The following WEE2 variants were observed in gnomAD, a reference collection of about 807,000 sequenced individuals.
The protein encoded by WEE2 is wee1-like protein kinase 2.
In WEE2, 50 loss-of-function variants were observed where a neutral mutation model predicts 60.1. That is an observed-to-expected ratio of 0.83 (90% confidence interval 0.66 to 1.05). The LOEUF (loss-of-function observed/expected upper bound fraction) is 1.05. Ranked by LOEUF, WEE2 falls within the 50% of genes least tolerant of loss-of-function variation. The pLI is 0.00. For synonymous variants in WEE2, 240 were observed against 241.0 expected (o/e 1.00, Z 0.04); for missense variants, 631 against 684.3 (o/e 0.92, Z 0.87).
chr7:141,730,373 G>A lies in WEE2; in HGVS notation c.*53G>A. ...TTGGCCTATGGATTACGAGGTTGCT[G>A]TTGCTGATTCCCCACCAAAGATCCC... On this transcript the variant is annotated 3_prime_UTR_variant, in exon 12 of 12. Transcript: ENST00000397541. 1.3e-6 allele frequency: 2 copies of A among 1,543,324 alleles called. No homozygotes were observed. The highest frequency in any genetic ancestry group is 1.7e-4 in the Middle Eastern group (1 of 5,910).
At chr7:141,722,702 A>G (rs1265074637) in intron 5 of WEE2, among the ~76,000 whole-genome samples, 5 of 152,224 alleles carry the variant, frequency 3.3e-5, no homozygotes, top group Non-Finnish European at 1.5e-5. Context: ...AATCATTGAC[A>G]CCAATAGTAG....
chr7:141,723,931 T>A lies in WEE2; in HGVS notation c.1028-10T>A. 1 of 1,574,940 alleles carries A rather than the reference T, an allele frequency of 6.3e-7. No individual in the cohort carries two copies. Among genetic ancestry groups the A allele is most frequent in the Non-Finnish European group, 8.7e-7 (1 of 1,151,810 alleles). ...CATTACTTACATCTATCCTGTCATT[T>A]TTTTTTCAGGTAATATATTCATTTG... On this transcript the variant is annotated splice_polypyrimidine_tract_variant and intron_variant, in intron 6 of 11. Coordinates refer to ENST00000397541, the MANE Select transcript of WEE2 (RefSeq NM_001105558.1).
chr7:141,716,534 T>A (rs1798800943), intron 3 of WEE2, among the ~76,000 whole-genome samples: 1 of 141,584 alleles, frequency 7.1e-6, no homozygotes, highest in Admixed American at 7.1e-5. Flanking sequence ...TCTCCTCCCC[T>A]CCCCATCTCA....
At chr7:141,719,625 A>G (rs1401368721) in intron 4 of WEE2, among the ~76,000 whole-genome samples, 4 of 151,892 alleles carry the variant, frequency 2.6e-5, no homozygotes, top group African/African-American at 9.7e-5. Context: ...TAATTTTTGT[A>G]TTTTTAGTAG....
chr7:141,709,743 A>G lies in WEE2; in HGVS notation c.342+643A>G, dbSNP rs977441131. Among the ~76,000 whole-genome samples the G allele has an allele frequency of 2.0e-5, 3 of 152,184 alleles. No individual in the cohort carries two copies. In the East Asian group the frequency reaches 5.8e-4, roughly 29 times the overall value. Reference sequence around the variant, plus strand: ...AGAGGAAACTTGTTGATACTTCTTCATAAGCTGAGGATGGCAAATAAGCAA... The same window carrying G: ...AGAGGAAACTTGTTGATACTTCTTCGTAAGCTGAGGATGGCAAATAAGCAA... On this transcript the variant is annotated intron_variant, in intron 1 of 11. Transcript: ENST00000397541.
chr7:141,712,284 A>G (rs1798720865), intron 1 of WEE2, among the ~76,000 whole-genome samples: 1 of 152,166 alleles, frequency 6.6e-6, no homozygotes, highest in African/African-American at 2.4e-5. Flanking sequence ...TCTCTGTCCC[A>G]AGATACTATG....
chr7:141,717,740 G>C (rs1414668640), intron 3 of WEE2, among the ~76,000 whole-genome samples: 1 of 152,152 alleles, frequency 6.6e-6, no homozygotes, highest in East Asian at 1.9e-4. Context: ...TGTATATTAA[G>C]ATAATTTTAG....
Position 141,711,584 on chromosome 7 carries a change from G to A in WEE2, c.342+2484G>A, listed in dbSNP as rs1237757862. Reference sequence around the variant, plus strand: ...TTCCTGACAGAATCATCTAGAGATAGAAGAGCATGCTTAGGAGGTGTAAGC... The same window carrying A: ...TTCCTGACAGAATCATCTAGAGATAAAAGAGCATGCTTAGGAGGTGTAAGC... On this transcript the variant is annotated intron_variant, in intron 1 of 11. Transcript: ENST00000397541. The surrounding 1 kb of genome is among the most constrained non-coding windows in gnomAD (Gnocchi z 4.2). Among the ~76,000 whole-genome samples the A allele has an allele frequency of 3.3e-5, 5 of 152,212 alleles. No individual in the cohort carries two copies. Among genetic ancestry groups the A allele is most frequent in the African/African-American group, 1.2e-4 (5 of 41,458 alleles).
Position 141,727,367 on chromosome 7 carries a change from C to G in WEE2, c.1456C>G (p.Leu486Val), listed in dbSNP as rs778404357. The G allele has an allele frequency of 1.2e-6, 2 of 1,614,188 alleles. No homozygotes were observed. Among genetic ancestry groups the G allele is most frequent in the South Asian group, 2.2e-5 (2 of 91,086 alleles). The change falls in exon 10 of 12, where the codon CTC (leucine) becomes GTC (valine). Residue 486 changes from leucine (L) to valine (V), a missense_variant. Leu to Val is a conservative substitution (Grantham distance 32). Transcript: ENST00000397541. ...AGCAGCTCTGGCCAGAAATACAGTTCTCCGGCCTTCCCTGGGAAAAACAGA... is the reference window on the plus strand; with the variant it reads ...AGCAGCTCTGGCCAGAAATACAGTTGTCCGGCCTTCCCTGGGAAAAACAGA... ...SAAALARNTV[L>V]RPSLGKTEEL... is the part of the protein sequence containing the mutation.
At chr7:141,722,803 T>A (rs1449127977) in intron 5 of WEE2, among the ~76,000 whole-genome samples, 1 of 152,204 alleles carries the variant, frequency 6.6e-6, no homozygotes, top group African/African-American at 2.4e-5. Context: ...AATGGGGCCA[T>A]ATACTGGATA....
chr7:141,721,102 T>G (rs777524232), intron 5 of WEE2, 46 bp downstream of exon 5: 2 of 1,610,648 alleles, frequency 1.2e-6, no homozygotes, highest in South Asian at 2.2e-5. Flanking sequence ...AGATGAACTT[T>G]ATAAGCCTTC....
chr7:141,722,919 G>C (rs189911185), intron 5 of WEE2, among the ~76,000 whole-genome samples: 2 of 152,152 alleles, frequency 1.3e-5, no homozygotes, highest in East Asian at 3.9e-4. Flanking sequence ...TACTGACACC[G>C]AAGTAATCTA....
chr7:141,725,128 C>G lies in WEE2; in HGVS notation c.1324C>G (p.His442Asp). Reference protein sequence around the residue: ...SLPTNGAAWHHIRKGNFPDVP... With the variant: ...SLPTNGAAWHDIRKGNFPDVP... ...GCCCACCAATGGTGCTGCATGGCAC[C>G]ATATCCGCAAGGGTAACTTTCCGGA... Residue 442 changes from histidine (H) to aspartate (D), a missense_variant, in exon 9 of 12, where the codon CAT becomes GAT. Transcript: ENST00000397541. The G allele has an allele frequency of 6.2e-7, 1 of 1,614,180 alleles. No homozygotes were observed. Among genetic ancestry groups the G allele is most frequent in the Non-Finnish European group, 8.5e-7 (1 of 1,180,018 alleles).
chr7:141,714,083 T>G, intron 1 of WEE2, 126 bp from the exon 2 acceptor site: 1 of 739,898 alleles, frequency 1.4e-6, no homozygotes, highest in Non-Finnish European at 2.2e-6. Context: ...CCAGTTCACA[T>G]GGAACCAGAT....
chr7:141,729,710 C>T (rs368471156), intron 11 of WEE2, 37 bp downstream of exon 11: 17 of 1,590,990 alleles, frequency 1.1e-5, no homozygotes, highest in East Asian at 4.5e-5. Flanking sequence ...ATTTTGCAGC[C>T]GGGCGTGGTG....
chr7:141,713,755 C>T lies in WEE2; in HGVS notation c.343-454C>T, dbSNP rs1216543366. 2.6e-5 allele frequency among the ~76,000 whole-genome samples: 4 copies of T among 152,224 alleles called. No individual in the cohort carries two copies. In the East Asian group the frequency reaches 7.7e-4, roughly 29 times the overall value. ...ATTCCTTAAGATTTAGAATTCACTT[C>T]TGTACCACTTGGCATCTAACCCAGC... is the stretch of plus-strand genomic sequence containing the variant. On this transcript the variant is annotated intron_variant, in intron 1 of 11. Coordinates refer to ENST00000397541, the MANE Select transcript of WEE2 (RefSeq NM_001105558.1).
chr7:141,719,336 T>A, intron 4 of WEE2, 92 bp downstream of exon 4: 1 of 1,194,162 alleles, frequency 8.4e-7, no homozygotes, highest in Non-Finnish European at 1.1e-6. Context: ...CCGATGTCAT[T>A]AAAAATCATT....
At chr7:141,722,731 T>C (rs1022295718) in intron 5 of WEE2, among the ~76,000 whole-genome samples, 1 of 152,214 alleles carries the variant, frequency 6.6e-6, no homozygotes, top group Non-Finnish European at 1.5e-5. Flanking sequence ...CTATGCCTGA[T>C]TGATCTTCTA....
intron 10 of WEE2, among the ~76,000 whole-genome samples, chr7:141,729,082 T>A (rs1337996804): frequency 6.6e-6 from 1 of 152,276 alleles, no homozygotes; most frequent in Non-Finnish European, 1.5e-5. Context: ...GTGGGCCATA[T>A]GCTTTCTGCT....
Sources: allele counts gnomAD v4.1 joint callset (sites outside exome capture counted in the v4.1 genomes callset), GRCh38; gene constraint gnomAD v4.1.1; non-coding constraint Gnocchi (gnomAD v3.1); transcripts MANE v1.5; gene names NCBI Gene and HGNC (gene_info 2026-07-23, HGNC 2026-07-21).